The following PLEKHD1 variants were observed in gnomAD, a reference collection of about 807,000 sequenced individuals.
The protein encoded by PLEKHD1 is pleckstrin homology and coiled-coil domain containing D1.
A neutral mutation model predicts 69.2 loss-of-function variants in PLEKHD1; 51 were observed. That is an observed-to-expected ratio of 0.74 (90% CI 0.59 to 0.93). The LOEUF (loss-of-function observed/expected upper bound fraction) is 0.93, where lower values mean the gene tolerates loss of function less well. Ranked by LOEUF, PLEKHD1 falls within the 40% of genes least tolerant of loss-of-function variation. The pLI is 0.00. For synonymous variants in PLEKHD1, 236 were observed against 244.7 expected (o/e 0.96, Z 0.33); for missense variants, 584 against 641.0 (o/e 0.91, Z 0.96).
rs560808912 is a variant in PLEKHD1, at chr14:69,527,349, G to A, written c.1201+17G>A. ...ATCTGAAAAGTAAGCCCTGCCTCTA[G>A]GCCCTGGCCCCCAGCTTTGGCACTC... On this transcript the variant is annotated intron_variant, in intron 11 of 12. Coordinates refer to ENST00000322564, the MANE Select transcript of PLEKHD1 (RefSeq NM_001161498.2). The A allele has an allele frequency of 6.6e-5, 102 of 1,551,310 alleles. No homozygotes were observed. Among genetic ancestry groups the A allele is most frequent in the Non-Finnish European group, 7.9e-5 (91 of 1,146,966 alleles).
At chr14:69,508,595 G>A (rs1883204056) in intron 6 of PLEKHD1, among the ~76,000 whole-genome samples, 1 of 151,972 alleles carries the variant, frequency 6.6e-6, no homozygotes, top group Non-Finnish European at 1.5e-5. Context: ...TTTATTTTTT[G>A]TTGTTGCCTG....
chr14:69,501,921 T>A, intron 5 of PLEKHD1, 96 bp downstream of exon 5: 1 of 1,122,332 alleles, frequency 8.9e-7, no homozygotes, highest in East Asian at 2.7e-5. Flanking sequence ...GATGAGGGTC[T>A]CTCAGGTGGG....
At chr14:69,506,632 A>G (rs1373819122) in intron 6 of PLEKHD1, among the ~76,000 whole-genome samples, 1 of 152,216 alleles carries the variant, frequency 6.6e-6, no homozygotes, top group African/African-American at 2.4e-5. Context: ...GAGATTTTCC[A>G]CATAACACTT....
the PLEKHD1 span, among the ~76,000 whole-genome samples, chr14:69,469,869 C>G: frequency 4.1e-3 from 618 of 151,916 alleles, 6 homozygotes; most frequent in African/African-American, 0.014. Flanking sequence ...TTACAGGCAC[C>G]CACCTCCATG....
chr14:69,498,182 G>A (rs549256416), intron 1 of PLEKHD1, among the ~76,000 whole-genome samples: 8 of 151,458 alleles, frequency 5.3e-5, no homozygotes, highest in East Asian at 3.9e-4. Flanking sequence ...GGGTTCAAGC[G>A]ATTCTCCTGC....
chr14:69,473,550 G>A, the PLEKHD1 span, among the ~76,000 whole-genome samples: 2 of 152,176 alleles, frequency 1.3e-5, no homozygotes, highest in Non-Finnish European at 2.9e-5. Flanking sequence ...CCACAGCAAG[G>A]TGCTGTATGA....
At chr14:69,470,797 C>T in the PLEKHD1 span, among the ~76,000 whole-genome samples, 2 of 151,734 alleles carry the variant, frequency 1.3e-5, no homozygotes, top group Non-Finnish European at 1.5e-5. Flanking sequence ...GACAGAGTCT[C>T]GCTCTGTCGC....
chr14:69,498,894 C>T (rs145074606), intron 1 of PLEKHD1, among the ~76,000 whole-genome samples: 1,723 of 151,964 alleles, frequency 0.011, 36 homozygotes, highest in African/African-American at 0.04. Flanking sequence ...GTGATCCGCC[C>T]GCCTCAGCCT....
At chr14:69,493,735 C>A (rs1331097187) in intron 1 of PLEKHD1, among the ~76,000 whole-genome samples, 1 of 152,208 alleles carries the variant, frequency 6.6e-6, no homozygotes, top group African/African-American at 2.4e-5. Context: ...TGGCACCCTG[C>A]GAATGCTCTT....
At chr14:69,469,500 C>G in the PLEKHD1 span, among the ~76,000 whole-genome samples, 1 of 151,984 alleles carries the variant, frequency 6.6e-6, no homozygotes, top group Non-Finnish European at 1.5e-5. Flanking sequence ...GCCTAGAACT[C>G]TTGGGCTCCA....
chr14:69,499,229 A>ATG, intron 1 of PLEKHD1, among the ~76,000 whole-genome samples: 1 of 38,042 alleles, frequency 2.6e-5, no homozygotes, highest in East Asian at 4.9e-4. Flanking sequence ...ATACGTGCAC[A>ATG]CACACACACA....
chr14:69,510,911 T>C (rs1461530108), intron 6 of PLEKHD1, among the ~76,000 whole-genome samples: 2 of 152,216 alleles, frequency 1.3e-5, no homozygotes, highest in Non-Finnish European at 2.9e-5. Context: ...ATGTTCTCTA[T>C]CACATTGAGG....
intron 1 of PLEKHD1, among the ~76,000 whole-genome samples, chr14:69,487,050 T>G (rs1254656959): frequency 6.6e-6 from 1 of 152,190 alleles, no homozygotes. Context: ...CCAAGGAGAT[T>G]GTTACCTGGG....
chr14:69,469,462 TGAAGTGGCAA>T, the PLEKHD1 span, among the ~76,000 whole-genome samples: 1 of 151,698 alleles, frequency 6.6e-6, no homozygotes, highest in African/African-American at 2.4e-5. Flanking sequence ...CAGGCTGGAG[TGAAGTGGCAA>T]GATCATAGCT....
At chr14:69,498,225 T>G (rs1034870517) in intron 1 of PLEKHD1, among the ~76,000 whole-genome samples, 1 of 151,760 alleles carries the variant, frequency 6.6e-6, no homozygotes, top group Non-Finnish European at 1.5e-5. Context: ...ATTACAGGCC[T>G]GAGCCACCAC....
intron 1 of PLEKHD1, among the ~76,000 whole-genome samples, chr14:69,498,022 A>ATTTTATTTTG (rs1474430627): frequency 6.7e-6 from 1 of 148,218 alleles, no homozygotes; most frequent in East Asian, 2.0e-4. Context: ...CCCTGTTTCT[A>ATTTTATTTTG]TTTTATTTTG....
intron 4 of PLEKHD1, 74 bp downstream of exon 4, chr14:69,501,021 C>T: frequency 6.9e-7 from 1 of 1,441,890 alleles, no homozygotes; most frequent in South Asian, 1.2e-5. Context: ...GAACTCCCTG[C>T]CTCTCTGCTG....
At chr14:69,493,264 T>C (rs1401084599) in intron 1 of PLEKHD1, among the ~76,000 whole-genome samples, 1 of 152,164 alleles carries the variant, frequency 6.6e-6, no homozygotes, top group Non-Finnish European at 1.5e-5. Context: ...AGAGATAAGC[T>C]CTAGGAAGAG....
upstream of PLEKHD1, among the ~76,000 whole-genome samples, chr14:69,484,053 C>A (rs966606007): frequency 1.2e-4 from 18 of 152,234 alleles, no homozygotes; most frequent in African/African-American, 4.3e-4. Context: ...GACACAGACA[C>A]GGTCAGGTTC....
Sources: allele counts gnomAD v4.1 joint callset (sites outside exome capture counted in the v4.1 genomes callset), GRCh38; gene constraint gnomAD v4.1.1; transcripts MANE v1.5; gene names NCBI Gene and HGNC (gene_info 2026-07-23, HGNC 2026-07-21).